The following DIPK1A variants were observed in gnomAD, a reference collection of about 807,000 sequenced individuals.
The protein encoded by DIPK1A is divergent protein kinase domain 1A.
A neutral mutation model predicts 40.8 loss-of-function variants in DIPK1A; 27 were observed. That is an observed-to-expected ratio of 0.66 (90% confidence interval 0.49 to 0.91). The LOEUF is 0.91. Among genes scored for constraint, DIPK1A ranks in the 40% least tolerant of loss-of-function variants. DIPK1A has a pLI of 0.00. For missense variants in DIPK1A, 412 were observed against 505.7 expected (o/e 0.81, Z 1.78); for synonymous variants, 166 against 171.3 (o/e 0.97, Z 0.24).
intron 2 of DIPK1A, among the ~76,000 whole-genome samples, chr1:92,860,196 A>G (rs903913740): frequency 6.6e-6 from 1 of 152,150 alleles, no homozygotes; most frequent in Non-Finnish European, 1.5e-5. Flanking sequence ...TGGAGCTAAC[A>G]GTTTTACAGT....
Position 92,847,191 on chromosome 1 carries a change from G to T in DIPK1A, c.466C>A (p.Leu156Ile). Residue 156 changes from leucine (L) to isoleucine (I), a missense_variant, in exon 4 of 5, where the codon CTC becomes ATC. Leu to Ile is a conservative substitution (Grantham distance 5). Transcript: ENST00000370310. The part of the protein sequence containing the change: ...VQKFKEMVYS[L>I]FKAKLGDQGN... ...TGAATGGGTATGCTTACCTTAAAGA[G>T]ACTATAGACCATTTCTTTAAATTTT... 6.5e-7 allele frequency: 1 copy of T among 1,548,918 alleles called. No homozygotes were observed. Among genetic ancestry groups the T allele is most frequent in the South Asian group, 1.2e-5 (1 of 82,724 alleles).
Position 92,908,352 on chromosome 1 carries a change from A to AT in DIPK1A, c.55-31923_55-31922insA, listed in dbSNP as rs1268634494. Reference sequence around the variant, plus strand: ...ACTATTTAATGGTTGGGTAAAAAAAAGACAAGCTGATAAAAGAGAGCATGG... The same window carrying AT: ...ACTATTTAATGGTTGGGTAAAAAAAATGACAAGCTGATAAAAGAGAGCATGG... On this transcript the variant is annotated intron_variant, in intron 1 of 4. Coordinates refer to ENST00000370310, the MANE Select transcript of DIPK1A (RefSeq NM_001006605.5). Among the ~76,000 whole-genome samples, 3 of 152,350 alleles carry AT rather than the reference A, an allele frequency of 2.0e-5. No homozygotes were observed. The East Asian group carries it at 5.8e-4, about 29-fold the overall frequency.
chr1:92,902,405 A>G (rs1219294251), intron 1 of DIPK1A, among the ~76,000 whole-genome samples: 1 of 152,088 alleles, frequency 6.6e-6, no homozygotes, highest in Non-Finnish European at 1.5e-5. Flanking sequence ...AGCCTCAGGG[A>G]TGAAGGGGAG....
chr1:92,834,041 G>T (rs1483248029), intron 4 of DIPK1A: 1 of 299,488 alleles, frequency 3.3e-6, no homozygotes, highest in African/African-American at 2.2e-5. Context: ...AGGCTGCAGT[G>T]AAGTGAGATC....
At chr1:92,878,515 CCTATA>C (rs1241324558) in intron 1 of DIPK1A, among the ~76,000 whole-genome samples, 3 of 151,820 alleles carry the variant, frequency 2.0e-5, no homozygotes, top group Non-Finnish European at 4.4e-5. Context: ...TAAAACCCCG[CCTATA>C]CTAAAAATAC....
intron 4 of DIPK1A, among the ~76,000 whole-genome samples, chr1:92,846,815 A>G (rs868631138): frequency 0.015 from 67 of 4,582 alleles, 6 homozygotes; most frequent in African/African-American, 0.097. Flanking sequence ...ATATATATAT[A>G]TATATATATA....
intron 1 of DIPK1A, among the ~76,000 whole-genome samples, chr1:92,947,260 A>G (rs1479841867): frequency 2.0e-5 from 3 of 152,200 alleles, no homozygotes; most frequent in Non-Finnish European, 2.9e-5. Flanking sequence ...AAAAATAAAC[A>G]TTTTAAGATA....
chr1:92,876,395 G>T lies in DIPK1A; in HGVS notation c.90C>A (p.Phe30Leu). Reference protein sequence around the residue: ...RFSYVRMKYLFFSWLVVFVGS... With the variant: ...RFSYVRMKYLLFSWLVVFVGS... ...CAACAAAAACCACTAACCAGGAAAA[G>T]AAAAGATATTTCATCCGCACATATG... Residue 30 changes from phenylalanine (F) to leucine (L), a missense_variant, in exon 2 of 5, where the codon TTC (phenylalanine) becomes TTA (leucine). Transcript: ENST00000370310. 1.2e-6 allele frequency: 2 copies of T among 1,613,340 alleles called. No homozygotes were observed. The highest frequency in any genetic ancestry group is 1.3e-5 in the African/African-American group (1 of 74,970).
chr1:92,851,285 T>A (rs1207774384), intron 2 of DIPK1A, among the ~76,000 whole-genome samples: 1 of 152,094 alleles, frequency 6.6e-6, no homozygotes, highest in African/African-American at 2.4e-5. Flanking sequence ...GGCTCACGCT[T>A]GTAATCCCAG....
At chr1:92,880,363 A>G (rs1433439859) in intron 1 of DIPK1A, among the ~76,000 whole-genome samples, 1 of 152,240 alleles carries the variant, frequency 6.6e-6, no homozygotes, top group Non-Finnish European at 1.5e-5. Context: ...ACTAGAGTAA[A>G]TGATTGCCAA....
At chr1:92,948,986 A>G (rs1462993450) in intron 1 of DIPK1A, among the ~76,000 whole-genome samples, 1 of 151,400 alleles carries the variant, frequency 6.6e-6, no homozygotes, top group Non-Finnish European at 1.5e-5. Context: ...TTGTATTTTT[A>G]GTAGAGATGG....
intron 4 of DIPK1A, among the ~76,000 whole-genome samples, chr1:92,846,848 T>TAC (rs1557449990): frequency 0.068 from 170 of 2,486 alleles, 50 homozygotes; most frequent in African/African-American, 0.082. Flanking sequence ...TATATGTGTG[T>TAC]ATATATATAT....
intron 1 of DIPK1A, among the ~76,000 whole-genome samples, chr1:92,900,453 G>A (rs1032535800): frequency 6.6e-6 from 1 of 151,848 alleles, no homozygotes; most frequent in African/African-American, 2.4e-5. Flanking sequence ...TTTCTGTTTG[G>A]TTCTTGTTTA....
downstream of DIPK1A, chr1:92,837,539 T>C (rs1687176905): frequency 5.6e-6 from 9 of 1,612,208 alleles, no homozygotes; most frequent in Non-Finnish European, 5.9e-6. Flanking sequence ...GGCCAGAATG[T>C]TGCAGATTAC....
intron 2 of DIPK1A, among the ~76,000 whole-genome samples, chr1:92,860,117 T>A (rs1449277605): frequency 6.6e-6 from 1 of 152,166 alleles, no homozygotes. Flanking sequence ...TATGAGATAT[T>A]CCATACCTTT....
intron 1 of DIPK1A, among the ~76,000 whole-genome samples, chr1:92,895,934 A>C (rs1192571820): frequency 1.3e-5 from 2 of 152,232 alleles, no homozygotes; most frequent in South Asian, 4.1e-4. Flanking sequence ...ATACCTAGGA[A>C]TCCAGCTTAC....
At chr1:92,892,535 A>G (rs952258157) in intron 1 of DIPK1A, among the ~76,000 whole-genome samples, 4 of 151,988 alleles carry the variant, frequency 2.6e-5, no homozygotes, top group African/African-American at 9.7e-5. Flanking sequence ...GGCAGATAAA[A>G]CCACAAAGAT....
intron 1 of DIPK1A, among the ~76,000 whole-genome samples, chr1:92,905,785 G>T (rs1162632584): frequency 6.6e-6 from 1 of 152,040 alleles, no homozygotes; most frequent in East Asian, 1.9e-4. Context: ...AATCCATTTT[G>T]ATTTGATTTT....
intron 1 of DIPK1A, among the ~76,000 whole-genome samples, chr1:92,960,200 C>T (rs971729827): frequency 6.6e-6 from 1 of 151,916 alleles, no homozygotes; most frequent in African/African-American, 2.4e-5. Flanking sequence ...TATTCGTACA[C>T]GCTTAATATC....
Sources: allele counts gnomAD v4.1 joint callset (sites outside exome capture counted in the v4.1 genomes callset), GRCh38; gene constraint gnomAD v4.1.1; transcripts MANE v1.5; gene names NCBI Gene and HGNC (gene_info 2026-07-23, HGNC 2026-07-21).